The following CFHR4 variants were observed in gnomAD, a reference collection of about 807,000 sequenced individuals.
CFHR4 encodes the protein complement factor H related 4, also known as complement factor H-related protein 4.
A neutral mutation model predicts 69.3 loss-of-function variants in CFHR4; 64 were observed. That is an observed-to-expected ratio of 0.92 (90% CI 0.76 to 1.14). The LOEUF (loss-of-function observed/expected upper bound fraction) is 1.14, where lower values mean the gene tolerates loss of function less well. Among genes scored for constraint, CFHR4 ranks in the 50% most tolerant of loss-of-function variants. The pLI is 0.00. For missense variants in CFHR4, 636 were observed against 684.9 expected (o/e 0.93, Z 0.80); for synonymous variants, 244 against 237.0 (o/e 1.03, Z -0.27).
chr1:196,904,725 T>A (rs1428351105), intron 2 of CFHR4, among the ~76,000 whole-genome samples: 1 of 151,562 alleles, frequency 6.6e-6, no homozygotes, highest in East Asian at 1.9e-4. Flanking sequence ...GTGTACTGTA[T>A]CTTTGCCTGG....
In CFHR4 at chr1:196,902,413, A is replaced by T; in HGVS notation, c.59-5A>T. 1 of 1,584,622 alleles carries T rather than the reference A, an allele frequency of 6.3e-7. No individual in the cohort carries two copies. The highest frequency in any genetic ancestry group is 8.6e-7 in the Non-Finnish European group (1 of 1,162,980). ...TTTATACTGTTTTTTGTTTTTTATT[A>T]CAAGAAGTGAAACCTTGTGATTTTC... On this transcript the variant is annotated splice_polypyrimidine_tract_variant and splice_region_variant and intron_variant, in intron 1 of 9. Transcript: ENST00000608469.
chr1:196,891,211 T>A (rs528174233), intron 1 of CFHR4, among the ~76,000 whole-genome samples: 1 of 151,546 alleles, frequency 6.6e-6, no homozygotes, highest in African/African-American at 2.4e-5. Flanking sequence ...AAGATCACTC[T>A]ACTGAACTCC....
chr1:196,908,314 A>T lies in CFHR4; in HGVS notation c.799+816A>T, dbSNP rs187252924. ...CCGAACTTAAAGTATAATAAAAACC[A>T]TGCACTATTAACTAAAATCCTACTT... is the stretch of plus-strand genomic sequence containing the variant. On this transcript the variant is annotated intron_variant, in intron 5 of 9. Transcript: ENST00000608469. 4.4e-4 allele frequency among the ~76,000 whole-genome samples: 66 copies of T among 151,662 alleles called. 1 individual carries two copies. Among genetic ancestry groups the T allele is most frequent in the Admixed American group, 2.3e-3 (35 of 15,208 alleles).
intron 1 of CFHR4, among the ~76,000 whole-genome samples, chr1:196,894,430 G>A (rs1057228357): frequency 6.6e-6 from 1 of 151,330 alleles, no homozygotes; most frequent in Non-Finnish European, 1.5e-5. Flanking sequence ...TCCAGTTACT[G>A]TCTAGTATTA....
rs762274604 is a variant in CFHR4 at position 196,914,654 on chromosome 1, A to G, written c.1340A>G (p.His447Arg). 1 of 1,602,262 alleles carries G rather than the reference A, an allele frequency of 6.2e-7. No individual in the cohort carries two copies. Among genetic ancestry groups the G allele is most frequent in the Admixed American group, 1.7e-5 (1 of 57,768 alleles). The change falls in exon 8 of 10, where the codon CAT becomes CGT. Residue 447 changes from histidine to arginine, a missense_variant. By Grantham distance (29) the His-to-Arg change is conservative (BLOSUM62 0). This residue lies in a region of CFHR4 where 529 missense variants were observed against 533.2 expected (regional missense o/e 0.99). Transcript: ENST00000608469. ...GTGTGTGGTGAAGATGGGTGGTCCC[A>G]TTTCCCAACATGTTATAGTAAGTAT... ...SIVCGEDGWS[H>R]FPTCYNSSEK...
At chr1:196,914,091 C>T (rs573392129) in intron 7 of CFHR4, among the ~76,000 whole-genome samples, 1 of 151,324 alleles carries the variant, frequency 6.6e-6, no homozygotes, top group South Asian at 2.1e-4. Context: ...AATATATACA[C>T]CCTTACTGTT....
At chr1:196,897,868 G>C (rs1657397769) in intron 1 of CFHR4, among the ~76,000 whole-genome samples, 1 of 151,334 alleles carries the variant, frequency 6.6e-6, no homozygotes, top group African/African-American at 2.4e-5. Flanking sequence ...TGGGGCCTTT[G>C]ACAGGGAATC....
rs1025075072 is a variant in CFHR4, at chr1:196,891,063, C to T, written c.58+2855C>T. Reference sequence around the variant, plus strand: ...GCCAGGAGTTTGGGACCAGCCTGGCCAACATGGTGAAACACTGTCTCTACT... The same window carrying T: ...GCCAGGAGTTTGGGACCAGCCTGGCTAACATGGTGAAACACTGTCTCTACT... On this transcript the variant is annotated intron_variant, in intron 1 of 9. Transcript: ENST00000608469. 2.0e-5 allele frequency among the ~76,000 whole-genome samples: 3 copies of T among 151,354 alleles called. 1 individual carries two copies. Among genetic ancestry groups the T allele is most frequent in the Admixed American group, 1.3e-4 (2 of 15,186 alleles).
At chr1:196,917,952 T>C (rs1571459664) in intron 9 of CFHR4, among the ~76,000 whole-genome samples, 1 of 151,448 alleles carries the variant, frequency 6.6e-6, no homozygotes, top group East Asian at 1.9e-4. Context: ...GGAAGAAGAG[T>C]TCAGGCTCTA....
chr1:196,909,813 T>C (rs928213410), intron 5 of CFHR4, among the ~76,000 whole-genome samples: 7 of 151,022 alleles, frequency 4.6e-5, no homozygotes, highest in Non-Finnish European at 8.8e-5. Context: ...CCTACACATG[T>C]ATCCAGGGAA....
rs1289236416 is a variant in CFHR4 at position 196,905,105 on chromosome 1, T to C, written c.257-3T>C. The C allele has an allele frequency of 1.9e-6, 3 of 1,591,490 alleles. No individual in the cohort carries two copies. Among genetic ancestry groups the C allele is most frequent in the Admixed American group, 1.8e-5 (1 of 56,554 alleles). ...ACTTTTTTCTCTACTTTTTCTATTT[T>C]AGGAACATGCTCAAAATCAGATGTA... On this transcript the variant is annotated splice_polypyrimidine_tract_variant and splice_region_variant and intron_variant, in intron 2 of 9. Transcript: ENST00000608469.
intron 1 of CFHR4, among the ~76,000 whole-genome samples, chr1:196,896,515 CAG>C (rs1484995757): frequency 6.6e-6 from 1 of 151,596 alleles, no homozygotes; most frequent in Non-Finnish European, 1.5e-5. Context: ...ACCCAGCAAT[CAG>C]AGCACAAATC....
rs866054670 is a variant in CFHR4, at chr1:196,888,358, G to T, written c.58+150G>T. 21 of 685,238 alleles carry T rather than the reference G, an allele frequency of 3.1e-5. 1 individual carries two copies. Among genetic ancestry groups the T allele is most frequent in the Middle Eastern group, 2.8e-4 (1 of 3,564 alleles). The allele number at this position is 685,238 out of a possible 1,614,324, so 42.4% of individuals were successfully genotyped here. ...TAGCATATTTTGTGAGAGTATAACA[G>T]AAATTAATTTTATGAAAAAATATCT... On this transcript the variant is annotated intron_variant, in intron 1 of 9. Coordinates refer to ENST00000608469, the MANE Select transcript of CFHR4 (RefSeq NM_001201550.3).
intron 1 of CFHR4, among the ~76,000 whole-genome samples, chr1:196,897,217 G>GC: frequency 6.6e-6 from 1 of 151,536 alleles, no homozygotes; most frequent in Non-Finnish European, 1.5e-5. Flanking sequence ...CTGCTTTGTC[G>GC]CCCCGCAGCT....
intron 3 of CFHR4, among the ~76,000 whole-genome samples, chr1:196,906,489 C>T (rs1657912702): frequency 1.3e-5 from 2 of 151,320 alleles, no homozygotes; most frequent in Non-Finnish European, 1.5e-5. Flanking sequence ...AAACTGAGTA[C>T]ATAAATATGT....
intron 1 of CFHR4, among the ~76,000 whole-genome samples, chr1:196,898,524 A>T (rs932084006): frequency 2.0e-5 from 3 of 151,584 alleles, no homozygotes; most frequent in Admixed American, 2.0e-4. Flanking sequence ...ATACAGATGG[A>T]TGTGTGTATA....
intron 2 of CFHR4, among the ~76,000 whole-genome samples, chr1:196,902,901 A>G (rs1484988062): frequency 6.6e-6 from 1 of 151,520 alleles, no homozygotes; most frequent in East Asian, 1.9e-4. Flanking sequence ...AACATTTAGT[A>G]GTAGCTTTAG....
chr1:196,896,090 C>G (rs904639868), intron 1 of CFHR4, among the ~76,000 whole-genome samples: 1 of 148,302 alleles, frequency 6.7e-6, no homozygotes, highest in East Asian at 2.0e-4. Flanking sequence ...TTTGGAACAT[C>G]CTAGTGTTTA....
rs397574 is a variant in CFHR4 at position 196,917,056 on chromosome 1, T to C, written c.1541-1154T>C. ...ATTTATTTTTGAATTGTAAACAGCC[T>C]CTGAATGTATTGAAGAGCTCTTAAA... On this transcript the variant is annotated intron_variant, in intron 9 of 9. Coordinates refer to ENST00000608469, the MANE Select transcript of CFHR4 (RefSeq NM_001201550.3). Among the ~76,000 whole-genome samples the C allele has an allele frequency of 2.8e-3, 424 of 151,668 alleles. 2 individuals carry two copies. The highest frequency in any genetic ancestry group is 9.2e-3 in the African/African-American group (380 of 41,186).
Sources: gnomAD v4.1 joint callset for allele counts (sites outside exome capture counted in the v4.1 genomes callset) on GRCh38, gnomAD v4.1.1 for gene constraint, gnomAD v4.1.1 regional missense constraint, MANE v1.5 for transcripts, NCBI Gene and HGNC (gene_info 2026-07-23, HGNC 2026-07-21) for gene names.